Variants in PGAP4 observed in about 807,000 individuals in gnomAD.
PGAP4 encodes the protein GPI-N-acetylgalactosamine transferase PGAP4.
PGAP4 carries 12 observed loss-of-function variants against 28.2 expected under a neutral mutation model. That is an observed-to-expected ratio of 0.42 (90% CI 0.27 to 0.69). The LOEUF is 0.69. Ranked by LOEUF, PGAP4 falls within the 30% of genes least tolerant of loss-of-function variation. PGAP4 has a pLI of 0.22. For missense variants in PGAP4, 425 were observed against 513.5 expected (o/e 0.83, Z 1.67); for synonymous variants, 205 against 211.8 (o/e 0.97, Z 0.28).
Position 101,476,106 on chromosome 9 carries a change from G to A in PGAP4, c.987C>T (p.Ala329=). The A allele has an allele frequency of 6.2e-7, 1 of 1,614,086 alleles. No homozygotes were observed. Residue 329 remains alanine, a synonymous_variant, in exon 2 of 2, where the codon GCC becomes GCT. Coordinates refer to ENST00000374848, the MANE Select transcript of PGAP4 (RefSeq NM_032342.3). This position sits in a 1 kb window ranked among gnomAD's most constrained non-coding sequence, Gnocchi z 7.0. ...GCATGGCTGGGGTGCAACACTGAGA[G>A]GCAGGAACCACACTGTACAGGGAAG... ...LSPSLYSVVP[A]SQCCTPAMLF...
intron 2 of PGAP4, among the ~76,000 whole-genome samples, chr9:101,519,641 G>GTA (rs532482295): frequency 1.1e-4 from 16 of 149,598 alleles, no homozygotes; most frequent in Admixed American, 3.3e-4. Context: ...GTATATGTAT[G>GTA]TATATATATA....
chr9:101,511,797 T>C (rs775103620), intron 2 of PGAP4, among the ~76,000 whole-genome samples: 8 of 152,158 alleles, frequency 5.3e-5, no homozygotes, highest in Non-Finnish European at 8.8e-5. Flanking sequence ...TATAATTAGA[T>C]TTCAATTAAC....
chr9:101,477,857 C>T (rs534567253), intron 1 of PGAP4, among the ~76,000 whole-genome samples: 6 of 152,156 alleles, frequency 3.9e-5, no homozygotes, highest in Non-Finnish European at 7.4e-5. Context: ...CTCTAGAGCC[C>T]CAGGCTTGGG....
chr9:101,501,396 A>C (rs1397334697), intron 2 of PGAP4, among the ~76,000 whole-genome samples: 8 of 152,258 alleles, frequency 5.3e-5, no homozygotes, highest in Admixed American at 4.6e-4. Flanking sequence ...ACAAGCAGGA[A>C]GAAGAGCCGC....
intron 2 of PGAP4, among the ~76,000 whole-genome samples, chr9:101,500,975 A>G (rs1337013906): frequency 6.6e-6 from 1 of 152,076 alleles, no homozygotes; most frequent in Non-Finnish European, 1.5e-5. Context: ...TCCAGTGTAT[A>G]GACTGTAAAT....
chr9:101,492,050 G>T (rs998998399), upstream of PGAP4, among the ~76,000 whole-genome samples: 5 of 151,442 alleles, frequency 3.3e-5, no homozygotes, highest in African/African-American at 1.2e-4. Context: ...ATCAATTATA[G>T]GAAAAGTCTG....
chr9:101,517,142 A>G (rs950092762), intron 2 of PGAP4, among the ~76,000 whole-genome samples: 6 of 152,200 alleles, frequency 3.9e-5, no homozygotes, highest in African/African-American at 1.4e-4. Flanking sequence ...ATGCTTAATG[A>G]GGACTGTTTG....
intron 1 of PGAP4, among the ~76,000 whole-genome samples, 164 bp from the exon 2 acceptor site, chr9:101,477,333 A>G (rs1826357442): frequency 6.7e-6 from 1 of 148,894 alleles, no homozygotes; most frequent in Non-Finnish European, 1.5e-5. Context: ...TTTCTACAGT[A>G]AACCATTCTT....
At chr9:101,484,196 GA>G (rs1351526737) in intron 1 of PGAP4, among the ~76,000 whole-genome samples, 1 of 151,842 alleles carries the variant, frequency 6.6e-6, no homozygotes, top group Non-Finnish European at 1.5e-5. Context: ...AAAAGAGAAA[GA>G]GGGGCAGAGG....
At chr9:101,482,176 G>GA (rs1282611950) in intron 1 of PGAP4, among the ~76,000 whole-genome samples, 4 of 152,202 alleles carry the variant, frequency 2.6e-5, no homozygotes, top group African/African-American at 9.6e-5. Flanking sequence ...AACCAGGCGC[G>GA]GTGGCTCACA....
chr9:101,529,854 C>T (rs556968910), intron 2 of PGAP4, among the ~76,000 whole-genome samples: 4 of 152,206 alleles, frequency 2.6e-5, no homozygotes, highest in Non-Finnish European at 4.4e-5. Flanking sequence ...AGATAGGAAG[C>T]ATAATTACAA....
At chr9:101,527,324 T>A (rs1461720461) in intron 2 of PGAP4, among the ~76,000 whole-genome samples, 1 of 152,242 alleles carries the variant, frequency 6.6e-6, no homozygotes, top group East Asian at 1.9e-4. Context: ...ATTTGTGGAT[T>A]CCTGGCCGTA....
chr9:101,487,700 C>T (rs1396180297), upstream of PGAP4, among the ~76,000 whole-genome samples: 1 of 152,194 alleles, frequency 6.6e-6, no homozygotes, highest in East Asian at 1.9e-4. Context: ...GTCTAGGCCA[C>T]AGGTTAGCAA....
chr9:101,491,681 G>A (rs1177614336), upstream of PGAP4, among the ~76,000 whole-genome samples: 1 of 149,514 alleles, frequency 6.7e-6, no homozygotes, highest in Admixed American at 6.7e-5. Flanking sequence ...GGCTTCTCTA[G>A]GTATTTTTAT....
intron 2 of PGAP4, among the ~76,000 whole-genome samples, chr9:101,493,801 A>C (rs745551865): frequency 2.4e-4 from 36 of 152,108 alleles, no homozygotes; most frequent in Non-Finnish European, 2.5e-4. Flanking sequence ...CTTGTTTCTT[A>C]AAATCCATTT....
chr9:101,494,476 G>T (rs1194134930), intron 2 of PGAP4, among the ~76,000 whole-genome samples: 1 of 151,658 alleles, frequency 6.6e-6, no homozygotes, highest in Non-Finnish European at 1.5e-5. Context: ...AGCCAACAAT[G>T]CTTTAAATAA....
chr9:101,517,006 C>A (rs1440326072), intron 2 of PGAP4, among the ~76,000 whole-genome samples: 1 of 152,054 alleles, frequency 6.6e-6, no homozygotes, highest in Admixed American at 6.6e-5. Context: ...GACTGAAGGG[C>A]AAAATTTTTA....
intron 1 of PGAP4, chr9:101,479,780 T>C (rs1588196001): frequency 1.3e-5 from 2 of 152,160 alleles, no homozygotes; most frequent in East Asian, 3.9e-4. Flanking sequence ...TGTGGCTCAG[T>C]TGGGGTCAGC....
chr9:101,495,633 T>G (rs987348614), intron 2 of PGAP4, among the ~76,000 whole-genome samples: 5 of 149,272 alleles, frequency 3.3e-5, no homozygotes, highest in East Asian at 1.9e-4. Context: ...CTAAATAACA[T>G]GTATTTATTT....
Sources: allele counts gnomAD v4.1 joint callset (sites outside exome capture counted in the v4.1 genomes callset), GRCh38; gene constraint gnomAD v4.1.1; non-coding constraint Gnocchi (gnomAD v3.1); transcripts MANE v1.5; gene names NCBI Gene and HGNC (gene_info 2026-07-23, HGNC 2026-07-21).